The following ANKRD44 variants were observed in gnomAD, a reference collection of about 807,000 sequenced individuals.
ANKRD44 encodes serine/threonine-protein phosphatase 6 regulatory ankyrin repeat subunit B.
In ANKRD44, 35 loss-of-function variants were observed where a neutral mutation model predicts 116.0. The ratio of observed to expected loss-of-function variants is 0.30; its 90% CI spans 0.23 to 0.40. ANKRD44 has a LOEUF of 0.40. Among genes scored for constraint, ANKRD44 ranks in the 10% least tolerant of loss-of-function variants. The pLI, the probability that ANKRD44 is intolerant of heterozygous loss-of-function variation, is 1.00. For synonymous variants in ANKRD44, 435 were observed against 461.8 expected (o/e 0.94, Z 0.74); for missense variants, 1,014 against 1,242.6 (o/e 0.82, Z 2.77).
At chr2:197,172,740 AT>A (rs1167081670) in intron 2 of ANKRD44, among the ~76,000 whole-genome samples, 1 of 151,930 alleles carries the variant, frequency 6.6e-6, no homozygotes, top group Non-Finnish European at 1.5e-5. Flanking sequence ...AATTTTTTGT[AT>A]TTTTAGTAGA....
chr2:197,064,458 G>A (rs2077387671), intron 16 of ANKRD44, among the ~76,000 whole-genome samples: 1 of 152,074 alleles, frequency 6.6e-6, no homozygotes, highest in South Asian at 2.1e-4. Context: ...ACAATATTAA[G>A]CTTAAACGTA....
At chr2:197,191,934 C>T (rs2080833483) in intron 1 of ANKRD44, among the ~76,000 whole-genome samples, 1 of 152,050 alleles carries the variant, frequency 6.6e-6, no homozygotes, top group Non-Finnish European at 1.5e-5. Flanking sequence ...CTGTGAAATC[C>T]AATTCAATTA....
chr2:197,007,755 AC>A (rs1467465448), intron 20 of ANKRD44, 50 bp downstream of exon 20: 1 of 1,198,280 alleles, frequency 8.3e-7, no homozygotes, highest in East Asian at 2.3e-5. Context: ...AAAAAAGAAA[AC>A]AAGCTCATTA....
rs1440413448 is a variant in ANKRD44 at position 197,099,939 on chromosome 2, G to T, written c.986-9C>A. 8.7e-6 allele frequency: 14 copies of T among 1,612,798 alleles called. No homozygotes were observed. The highest frequency in any genetic ancestry group is 1.1e-5 in the Non-Finnish European group (13 of 1,178,856). ...ACAGTCAATTTCACCTCCTGAAAGA[G>T]ATATTTTAATACAGGATAACGCAAG... On this transcript the variant is annotated splice_polypyrimidine_tract_variant and intron_variant, in intron 9 of 27. Coordinates refer to ENST00000282272, the MANE Select transcript of ANKRD44 (RefSeq NM_001195144.2).
intron 16 of ANKRD44, 127 bp from the exon 17 acceptor site, chr2:197,025,394 T>C (rs1031344882): frequency 1.6e-6 from 1 of 631,098 alleles, no homozygotes; most frequent in Non-Finnish European, 2.8e-6. Flanking sequence ...AAATATGATA[T>C]AACATATCTA....
chr2:196,986,464 A>C (rs1356430913), downstream of ANKRD44, among the ~76,000 whole-genome samples: 1 of 152,216 alleles, frequency 6.6e-6, no homozygotes, highest in African/African-American at 2.4e-5. Context: ...TGGAAGCATA[A>C]ATACATATAA....
At chr2:197,088,434 T>A (rs915720026) in intron 12 of ANKRD44, among the ~76,000 whole-genome samples, 4 of 152,092 alleles carry the variant, frequency 2.6e-5, no homozygotes, top group African/African-American at 9.7e-5. Context: ...GGGTAACTGA[T>A]ATGTATTCTA....
intron 20 of ANKRD44, among the ~76,000 whole-genome samples, chr2:197,007,272 T>G (rs1039531473): frequency 1.3e-5 from 2 of 151,886 alleles, no homozygotes; most frequent in Non-Finnish European, 2.9e-5. Flanking sequence ...AAAATCATGA[T>G]GCAGAAAAAA....
chr2:197,178,964 G>A (rs971471473), intron 2 of ANKRD44, among the ~76,000 whole-genome samples: 8 of 152,060 alleles, frequency 5.3e-5, no homozygotes, highest in African/African-American at 1.9e-4. Context: ...CCAAAACTTT[G>A]GGAGGCTGAG....
chr2:197,078,718 C>T lies in ANKRD44; in HGVS notation c.1635G>A (p.Arg545=), dbSNP rs755732369. 4 of 1,609,822 alleles carry T rather than the reference C, an allele frequency of 2.5e-6. No individual in the cohort carries two copies. In the East Asian group the frequency reaches 9.0e-5, roughly 36 times the overall value. ...AACAACTCACCAATTCCAGACACTGCCTGTGCCCATAGGCGGCAGCATAAT... is the reference window on the plus strand; with the variant it reads ...AACAACTCACCAATTCCAGACACTGTCTGTGCCCATAGGCGGCAGCATAAT... ...SIHYAAAYGH[R]QCLELLLERT... is the part of the protein sequence containing the mutation. The change falls in exon 16 of 28, where the codon AGG becomes AGA. Residue 545 remains arginine (R), a synonymous_variant. Coordinates refer to ENST00000282272, the MANE Select transcript of ANKRD44 (RefSeq NM_001195144.2).
At chr2:197,047,314 C>G (rs2077020972) in intron 16 of ANKRD44, among the ~76,000 whole-genome samples, 1 of 152,190 alleles carries the variant, frequency 6.6e-6, no homozygotes, top group Non-Finnish European at 1.5e-5. Flanking sequence ...GCCACTGCAT[C>G]CAGCCCAGAA....
At chr2:197,083,085 GT>G (rs1388409651) in intron 14 of ANKRD44, among the ~76,000 whole-genome samples, 1 of 152,212 alleles carries the variant, frequency 6.6e-6, no homozygotes, top group East Asian at 1.9e-4. Flanking sequence ...TACGGTATAT[GT>G]CAAAATAAAT....
At chr2:196,990,581 G>A in intron 27 of ANKRD44, 2 of 1,230,568 alleles carry the variant, frequency 1.6e-6, no homozygotes, top group Non-Finnish European at 2.0e-6. Context: ...TGGAAGCCCA[G>A]GCCCCAAATA....
At position 197,232,706 on chromosome 2, in the gene ANKRD44, T is replaced by G. The variant is rs569757497; in HGVS notation, c.28-45600A>C. 1.2e-4 allele frequency among the ~76,000 whole-genome samples: 18 copies of G among 152,288 alleles called. No individual in the cohort carries two copies. In the South Asian group the frequency reaches 3.7e-3, roughly 32 times the overall value. The stretch of plus-strand genomic sequence containing the variant: ...ATCCCTCCTAGAAAAAAGGTTCTCT[T>G]AATGGCAGGGAGTCCATTTGATCAA... On this transcript the variant is annotated intron_variant, in intron 1 of 27. Coordinates refer to ENST00000282272, the MANE Select transcript of ANKRD44 (RefSeq NM_001195144.2).
chr2:197,187,543 G>A (rs1267984035), intron 1 of ANKRD44, among the ~76,000 whole-genome samples: 1 of 152,168 alleles, frequency 6.6e-6, no homozygotes, highest in Non-Finnish European at 1.5e-5. Context: ...GGCCTTTAAG[G>A]AGATAATTCA....
At chr2:197,080,352 T>G (rs1266338061) in intron 15 of ANKRD44, among the ~76,000 whole-genome samples, 37 of 152,330 alleles carry the variant, frequency 2.4e-4, no homozygotes, top group Admixed American at 2.4e-3. Flanking sequence ...GCCTAGTAAT[T>G]TTGGCAATTA....
chr2:197,155,111 T>C, intron 2 of ANKRD44, among the ~76,000 whole-genome samples: 1 of 152,226 alleles, frequency 6.6e-6, no homozygotes, highest in East Asian at 1.9e-4. Flanking sequence ...ACACTGGATA[T>C]TTTATTGCAC....
exon 22 of ANKRD44, chr2:196,967,155 T>C (rs1055827980): frequency 5.1e-6 from 1 of 194,198 alleles, no homozygotes; most frequent in Non-Finnish European, 1.1e-5. Flanking sequence ...GCTCTAGAAA[T>C]ATTACCCAGT....
Position 197,179,018 on chromosome 2 carries a change from C to A in ANKRD44, c.111+8005G>T, listed in dbSNP as rs577745742. ...CCCAGGAGTTTGAGGCTGCAGTGAG[C>A]TATAACCACACCACCGCACTCCAAT... On this transcript the variant is annotated intron_variant, in intron 2 of 27. Transcript: ENST00000282272. 9.9e-5 allele frequency among the ~76,000 whole-genome samples: 15 copies of A among 152,218 alleles called. No individual in the cohort carries two copies. In the South Asian group the frequency reaches 1.2e-3, roughly 13 times the overall value.
Sources: allele counts gnomAD v4.1 joint callset (sites outside exome capture counted in the v4.1 genomes callset), GRCh38; gene constraint gnomAD v4.1.1; transcripts MANE v1.5; gene names NCBI Gene and HGNC (gene_info 2026-07-23, HGNC 2026-07-21).